The following PDZD2 variants were observed in gnomAD, a reference collection of about 807,000 sequenced individuals.
The protein encoded by PDZD2 is PDZ domain containing 2.
A neutral mutation model predicts 220.7 loss-of-function variants in PDZD2; 90 were observed. The ratio of observed to expected loss-of-function variants is 0.41; its 90% CI spans 0.34 to 0.49. PDZD2 has a LOEUF of 0.49. Among genes scored for constraint, PDZD2 ranks in the 20% least tolerant of loss-of-function variants. PDZD2 has a pLI of 0.28. For missense variants in PDZD2, 3,174 were observed against 3,608.5 expected (o/e 0.88, Z 3.08); for synonymous variants, 1,375 against 1,450.5 (o/e 0.95, Z 1.18).
intron 2 of PDZD2, among the ~76,000 whole-genome samples, chr5:31,889,937 G>A (rs1740856826): frequency 6.6e-6 from 1 of 151,906 alleles, no homozygotes; most frequent in Non-Finnish European, 1.5e-5. Flanking sequence ...CAGGAGAATT[G>A]CTTGAACCCG....
intron 7 of PDZD2, among the ~76,000 whole-genome samples, chr5:32,040,946 G>C (rs1756067366): frequency 6.7e-6 from 1 of 148,488 alleles, no homozygotes; most frequent in African/African-American, 2.5e-5. Flanking sequence ...ACCCCATCTG[G>C]GAAATGGGGA....
chr5:31,841,389 A>G (rs1757293409), intron 2 of PDZD2, among the ~76,000 whole-genome samples: 1 of 152,122 alleles, frequency 6.6e-6, no homozygotes, highest in Non-Finnish European at 1.5e-5. Flanking sequence ...TAAGAACAAT[A>G]CTCAGCCAGG....
At chr5:31,920,701 T>C (rs758587775) in intron 2 of PDZD2, among the ~76,000 whole-genome samples, 1 of 152,150 alleles carries the variant, frequency 6.6e-6, no homozygotes, top group African/African-American at 2.4e-5. Context: ...ACACACCAAA[T>C]GTATAATGAC....
At chr5:31,965,448 C>T (rs1320717632) in intron 2 of PDZD2, among the ~76,000 whole-genome samples, 2 of 152,196 alleles carry the variant, frequency 1.3e-5, no homozygotes, top group Admixed American at 1.3e-4. Flanking sequence ...GGATATGTTG[C>T]CAGGCACGTG....
intron 2 of PDZD2, among the ~76,000 whole-genome samples, chr5:31,830,479 A>T (rs1218086938): frequency 6.6e-6 from 1 of 151,806 alleles, no homozygotes; most frequent in Non-Finnish European, 1.5e-5. Context: ...CCTGGCTCTG[A>T]TGGCATTTTT....
At position 32,069,597 on chromosome 5, in the gene PDZD2, T is replaced by C. The variant is rs1740560292; in HGVS notation, c.2480T>C (p.Ile827Thr). Residue 827 changes from isoleucine (I) to threonine (T), a missense_variant, in exon 15 of 25, where the codon ATA becomes ACA. Ile to Thr is a moderately conservative substitution (Grantham distance 89, BLOSUM62 -1). This residue lies in a region of PDZD2 where 1,861 missense variants were observed against 2,001.0 expected (regional missense o/e 0.93). Coordinates refer to ENST00000438447, the MANE Select transcript of PDZD2 (RefSeq NM_178140.4). ...TCCGAGCAGGAAATGGATGAAGTCA[T>C]AGCACGCAGCACTTATCAGGAGAGC... ...KVSEQEMDEVIARSTYQESKE... is the reference protein window; with the variant it reads ...KVSEQEMDEVTARSTYQESKE... 2 of 1,600,244 alleles carry C rather than the reference T, an allele frequency of 1.2e-6. No homozygotes were observed. The highest frequency in any genetic ancestry group is 1.3e-5 in the African/African-American group (1 of 74,680).
intron 24 of PDZD2, among the ~76,000 whole-genome samples, chr5:32,107,708 T>G (rs961044703): frequency 6.6e-6 from 1 of 152,230 alleles, no homozygotes; most frequent in Non-Finnish European, 1.5e-5. Flanking sequence ...ATTAAATACA[T>G]AGAGAGTATC....
intron 1 of PDZD2, chr5:31,725,668 T>C: frequency 9.8e-7 from 1 of 1,024,552 alleles, no homozygotes; most frequent in Non-Finnish European, 1.6e-6. Context: ...GCCAGACTTG[T>C]AATGTGCTTT....
chr5:32,096,797 G>T (rs1185969026), intron 21 of PDZD2, among the ~76,000 whole-genome samples: 1 of 149,250 alleles, frequency 6.7e-6, no homozygotes, highest in African/African-American at 2.5e-5. Flanking sequence ...ACAGAATAAA[G>T]GATTCCCATC....
At chr5:32,025,751 C>T (rs1199532321) in intron 6 of PDZD2, among the ~76,000 whole-genome samples, 1 of 151,388 alleles carries the variant, frequency 6.6e-6, no homozygotes, top group Non-Finnish European at 1.5e-5. Flanking sequence ...CAGGTGCCCT[C>T]CACAATGCCC....
chr5:31,766,419 G>A (rs988577432), intron 1 of PDZD2, among the ~76,000 whole-genome samples: 1 of 151,778 alleles, frequency 6.6e-6, no homozygotes, highest in Non-Finnish European at 1.5e-5. Flanking sequence ...TCACTCTGCC[G>A]CCTAGGCTGG....
At chr5:31,878,759 C>A (rs1195831190) in intron 2 of PDZD2, among the ~76,000 whole-genome samples, 12 of 151,566 alleles carry the variant, frequency 7.9e-5, no homozygotes, top group African/African-American at 2.2e-4. Flanking sequence ...GACGGGGTTT[C>A]ACTGTGTTAG....
intron 7 of PDZD2, among the ~76,000 whole-genome samples, chr5:32,043,259 G>C (rs1237236225): frequency 6.6e-6 from 1 of 152,196 alleles, no homozygotes; most frequent in African/African-American, 2.4e-5. Flanking sequence ...GCTGGCCACT[G>C]TTTGCCACAA....
intron 1 of PDZD2, among the ~76,000 whole-genome samples, chr5:31,748,734 G>C (rs893274050): frequency 4.6e-5 from 7 of 152,236 alleles, no homozygotes; most frequent in Admixed American, 1.3e-4. Context: ...TCACACGCTT[G>C]GTTGGGGTGG....
chr5:31,803,002 C>T (rs571764435), intron 2 of PDZD2, among the ~76,000 whole-genome samples: 7 of 151,474 alleles, frequency 4.6e-5, no homozygotes, highest in African/African-American at 1.5e-4. Flanking sequence ...AGGAGGCACG[C>T]CACACCACAT....
At chr5:31,926,340 A>G (rs534774282) in intron 2 of PDZD2, among the ~76,000 whole-genome samples, 2 of 150,298 alleles carry the variant, frequency 1.3e-5, no homozygotes, top group African/African-American at 5.0e-5. Context: ...ACCAGCGGCC[A>G]ACATGGCAAA....
At chr5:31,850,210 A>G (rs1342217749) in intron 2 of PDZD2, among the ~76,000 whole-genome samples, 2 of 114,708 alleles carry the variant, frequency 1.7e-5, no homozygotes, top group African/African-American at 7.8e-5. Context: ...ATAAGTATAT[A>G]TGTGTATATA....
At position 32,098,430 on chromosome 5, in the gene PDZD2, C is replaced by T. The variant is rs1288831990; in HGVS notation, c.8014C>T (p.Leu2672=). 2 of 1,614,168 alleles carry T rather than the reference C, an allele frequency of 1.2e-6. No homozygotes were observed. The highest frequency in any genetic ancestry group is 2.2e-5 in the East Asian group (1 of 44,880). ...EGTMNRGDFL[L]SVNGASLAGL... The stretch of plus-strand genomic sequence containing the variant: ...GACTATGAACCGAGGGGATTTCCTT[C>T]TGTCAGTCAACGGCGCCTCACTGGC... The change falls in exon 23 of 25, where the codon CTG becomes TTG. Residue 2672 remains leucine, a synonymous_variant. Coordinates refer to ENST00000438447, the MANE Select transcript of PDZD2 (RefSeq NM_178140.4). This position sits in a 1 kb window ranked among gnomAD's most constrained non-coding sequence, Gnocchi z 4.1.
intron 3 of PDZD2, among the ~76,000 whole-genome samples, chr5:31,986,039 C>G (rs796799524): frequency 1.0e-4 from 15 of 145,168 alleles, no homozygotes; most frequent in Admixed American, 3.5e-4. Flanking sequence ...CGCGCCATTG[C>G]ACTCCAGCTT....
Sources: gnomAD v4.1 joint callset for allele counts (sites outside exome capture counted in the v4.1 genomes callset) on GRCh38, gnomAD v4.1.1 for gene constraint, gnomAD v4.1.1 regional missense constraint, Gnocchi (gnomAD v3.1) non-coding constraint, MANE v1.5 for transcripts, NCBI Gene and HGNC (gene_info 2026-07-23, HGNC 2026-07-21) for gene names.